The following NLRP11 variants were observed in gnomAD, a reference collection of about 807,000 sequenced individuals.
NLRP11 encodes NACHT, LRR and PYD domains-containing protein 11.
In NLRP11, 53 loss-of-function variants were observed where a neutral mutation model predicts 79.3. The ratio of observed to expected loss-of-function variants is 0.67; its 90% CI spans 0.54 to 0.84. NLRP11 has a LOEUF of 0.84. NLRP11 is among the 40% of genes least tolerant of loss of function. The pLI, the probability that NLRP11 is intolerant of heterozygous loss-of-function variation, is 0.00. For synonymous variants in NLRP11, 518 were observed against 462.6 expected (o/e 1.12, Z -1.54); for missense variants, 1,264 against 1,255.0 (o/e 1.01, Z -0.11).
At position 55,809,592 on chromosome 19, in the gene NLRP11, T is replaced by A. The variant is rs779573657; in HGVS notation, c.1018A>T (p.Ile340Phe). Residue 340 changes from isoleucine to phenylalanine, a missense_variant, in exon 3 of 10, where the codon ATC becomes TTC. By Grantham distance (21) the Ile-to-Phe change is conservative. Transcript: ENST00000589093. The surrounding 1 kb of genome is among the most constrained non-coding windows in gnomAD (Gnocchi z 4.5). ...ACAGTACACGTGATCCAGCATAAGA[T>A]GGCGACTCGGCACAGACCCACGAGT... 6.2e-7 allele frequency: 1 copy of A among 1,614,208 alleles called. No individual in the cohort carries two copies. The highest frequency in any genetic ancestry group is 2.2e-5 in the East Asian group (1 of 44,882).
intron 1 of NLRP11, among the ~76,000 whole-genome samples, chr19:55,821,262 A>T (rs2616949): frequency 6.7e-6 from 1 of 149,096 alleles, no homozygotes; most frequent in Admixed American, 6.7e-5. Context: ...CCAAGCACTG[A>T]GTTTGTAATG....
chr19:55,806,133 A>T (rs1435754405), intron 4 of NLRP11, among the ~76,000 whole-genome samples: 1 of 152,150 alleles, frequency 6.6e-6, no homozygotes, highest in Non-Finnish European at 1.5e-5. Flanking sequence ...CAATCACTTT[A>T]TGTTGGAGAA....
At chr19:55,787,877 G>A (rs765650990) in intron 9 of NLRP11, among the ~76,000 whole-genome samples, 16 of 152,166 alleles carry the variant, frequency 1.1e-4, no homozygotes, top group Non-Finnish European at 2.4e-4. Context: ...TACAGGAACT[G>A]AATTCTGCCA....
At chr19:55,800,718 T>C (rs1979395859) in intron 5 of NLRP11, among the ~76,000 whole-genome samples, 1 of 152,204 alleles carries the variant, frequency 6.6e-6, no homozygotes, top group African/African-American at 2.4e-5. Context: ...ATGAAATCAA[T>C]ACGGAGGTCA....
chr19:55,792,344 T>A (rs1978344999), exon 7 of NLRP11: 1 of 1,614,046 alleles, frequency 6.2e-7, no homozygotes, highest in Non-Finnish European at 8.5e-7. Context: ...AAGGGAAACG[T>A]CACATGCAAC....
At chr19:55,791,461 G>C (rs181292070) in intron 7 of NLRP11, among the ~76,000 whole-genome samples, 2 of 152,272 alleles carry the variant, frequency 1.3e-5, no homozygotes, top group East Asian at 1.9e-4. Flanking sequence ...CAGAAATAAA[G>C]ATAAGATACC....
chr19:55,822,480 TC>T (rs1239667310), intron 1 of NLRP11, among the ~76,000 whole-genome samples: 3 of 152,118 alleles, frequency 2.0e-5, no homozygotes, highest in Non-Finnish European at 4.4e-5. Flanking sequence ...ACGGGTGATT[TC>T]CGCATTTCCA....
At chr19:55,801,890 T>A in intron 4 of NLRP11, 151 bp from the exon 5 acceptor site, 1 of 672,490 alleles carries the variant, frequency 1.5e-6, no homozygotes, top group Non-Finnish European at 2.5e-6. Flanking sequence ...TCTAGTCAGG[T>A]CAGAAGACTA....
Position 55,809,237 on chromosome 19 carries a change from G to A in NLRP11, c.1373C>T (p.Thr458Ile). ...TACTGCCATCAGAAATGCAATGGCT[G>A]TACAAAACTCCTGGACGTTCAAGTG... The change falls in exon 3 of 10, where the codon ACA (threonine) becomes ATA (isoleucine). Residue 458 changes from threonine to isoleucine, a missense_variant. Physicochemically the swap from Thr to Ile is moderately conservative, Grantham distance 89. Transcript: ENST00000589093. This position sits in a 1 kb window ranked among gnomAD's most constrained non-coding sequence, Gnocchi z 4.5. The A allele has an allele frequency of 1.2e-6, 2 of 1,613,960 alleles. No individual in the cohort carries two copies.
chr19:55,789,353 T>G (rs777939498), exon 8 of NLRP11: 11 of 1,613,986 alleles, frequency 6.8e-6, no homozygotes, highest in Non-Finnish European at 9.3e-6. Context: ...GCAATAACTA[T>G]GGCAATATAT....
At chr19:55,817,491 G>C (rs77981316) in intron 2 of NLRP11, among the ~76,000 whole-genome samples, 1,681 of 152,006 alleles carry the variant, frequency 0.011, 29 homozygotes, top group African/African-American at 0.039. Context: ...ATACTACTCA[G>C]TCATAAAGAG....
At chr19:55,786,039 G>A (rs529108694) in intron 9 of NLRP11, among the ~76,000 whole-genome samples, 168 bp from the exon 10 acceptor site, 15 of 152,270 alleles carry the variant, frequency 9.9e-5, no homozygotes, top group African/African-American at 2.9e-4. Flanking sequence ...GTGAGATAGC[G>A]ATTTCTCCAT....
chr19:55,785,608 GT>G (rs1989823932), exon 10 of NLRP11: 1 of 1,601,414 alleles, frequency 6.2e-7, no homozygotes, highest in Non-Finnish European at 8.5e-7. Context: ...AATAAATACT[GT>G]TTACGTACAA....
Position 55,785,688 on chromosome 19 carries a change from G to C in NLRP11, c.3039C>G (p.Phe1013Leu), listed in dbSNP as rs1989833240. Residue 1013 changes from phenylalanine (F) to leucine (L), a missense_variant, in exon 10 of 10, where the codon TTC becomes TTG. Coordinates refer to ENST00000589093, the Ensembl canonical transcript of NLRP11. ...TGGCTGCAGACATTCTGGGAAATTT[G>C]AAAAACATGTAATCCAAATTAGAAT... 5.0e-6 allele frequency: 8 copies of C among 1,614,046 alleles called. No individual in the cohort carries two copies. The East Asian group carries it at 1.8e-4, about 36-fold the overall frequency.
At chr19:55,818,757 T>C (rs73935411) in intron 1 of NLRP11, among the ~76,000 whole-genome samples, 1,682 of 152,308 alleles carry the variant, frequency 0.011, 29 homozygotes, top group African/African-American at 0.039. Flanking sequence ...AACAGGCTGT[T>C]TGTGGTCTTG....
chr19:55,789,436 C>T, intron 7 of NLRP11, 37 bp from the exon 8 acceptor site: 1 of 1,571,560 alleles, frequency 6.4e-7, no homozygotes. Context: ...TCATGACCAC[C>T]TGTCTCCAAA....
chr19:55,797,388 T>C (rs889549331), intron 5 of NLRP11, among the ~76,000 whole-genome samples: 6 of 152,372 alleles, frequency 3.9e-5, no homozygotes, highest in South Asian at 4.1e-4. Context: ...CTTCAACTTG[T>C]CACTCAATAT....
At position 55,798,444 on chromosome 19, in the gene NLRP11, A is replaced by G. The variant is rs141793886; in HGVS notation, c.2172-2194T>C. On this transcript the variant is annotated intron_variant, in intron 5 of 9. Transcript: ENST00000589093. ...AAATACCACATGTTCTCACTTACAGATGGGAGCTAAATGATGAGAACACAT... is the reference window on the plus strand; with the variant it reads ...AAATACCACATGTTCTCACTTACAGGTGGGAGCTAAATGATGAGAACACAT... 8 of 471,664 alleles carry G rather than the reference A, an allele frequency of 1.7e-5. No individual in the cohort carries two copies. The East Asian group carries it at 1.2e-3, about 73-fold the overall frequency. 29.2% of individuals were successfully genotyped at this position (471,664 alleles called of 1,614,324 possible).
chr19:55,788,955 T>G, exon 9 of NLRP11: 1 of 1,613,940 alleles, frequency 6.2e-7, no homozygotes, highest in South Asian at 1.1e-5. Context: ...CAGCAGGCAC[T>G]GGTTAACATG....
Sources: allele counts gnomAD v4.1 joint callset (sites outside exome capture counted in the v4.1 genomes callset), GRCh38; gene constraint gnomAD v4.1.1; non-coding constraint Gnocchi (gnomAD v3.1); transcripts MANE v1.5; gene names NCBI Gene and HGNC (gene_info 2026-07-23, HGNC 2026-07-21).